The following CCSER1 variants were observed in gnomAD, a reference collection of about 807,000 sequenced individuals.
CCSER1 encodes coiled-coil serine rich protein 1, also known as serine-rich coiled-coil domain-containing protein 1.
A neutral mutation model predicts 82.0 loss-of-function variants in CCSER1; 41 were observed. That is an observed-to-expected ratio of 0.50 (90% CI 0.39 to 0.65). The LOEUF is 0.65. CCSER1 is among the 30% of genes least tolerant of loss of function. The pLI is 0.00. For missense variants in CCSER1, 1,119 were observed against 1,064.2 expected (o/e 1.05, Z -0.72); for synonymous variants, 414 against 383.9 (o/e 1.08, Z -0.92).
chr4:90,567,489 C>T (rs915292082), intron 5 of CCSER1, among the ~76,000 whole-genome samples: 1 of 152,050 alleles, frequency 6.6e-6, no homozygotes, highest in African/African-American at 2.4e-5. Flanking sequence ...GGGGTTTCTC[C>T]ATGTTGGTCA....
At chr4:90,496,239 G>T (rs1004826582) in intron 5 of CCSER1, among the ~76,000 whole-genome samples, 1 of 152,132 alleles carries the variant, frequency 6.6e-6, no homozygotes, top group Non-Finnish European at 1.5e-5. Context: ...TTCAGGGATA[G>T]CATGAAACAC....
intron 7 of CCSER1, among the ~76,000 whole-genome samples, chr4:90,812,485 A>G (rs1758479536): frequency 6.6e-6 from 1 of 152,210 alleles, no homozygotes; most frequent in Non-Finnish European, 1.5e-5. Flanking sequence ...TTAAATGCCC[A>G]AAGATTGAGC....
intron 4 of CCSER1, among the ~76,000 whole-genome samples, chr4:90,419,472 A>T (rs969214202): frequency 6.6e-6 from 1 of 151,924 alleles, no homozygotes; most frequent in African/African-American, 2.4e-5. Flanking sequence ...TGGTTAAAGA[A>T]CTTATTCAGC....
At chr4:91,466,038 G>A (rs1003344441) in intron 10 of CCSER1, among the ~76,000 whole-genome samples, 4 of 152,146 alleles carry the variant, frequency 2.6e-5, no homozygotes, top group Non-Finnish European at 5.9e-5. Flanking sequence ...AAGCCTGGCA[G>A]AGCCACAGCA....
chr4:91,237,732 G>A (rs1311406413), intron 10 of CCSER1, among the ~76,000 whole-genome samples: 1 of 152,160 alleles, frequency 6.6e-6, no homozygotes, highest in Non-Finnish European at 1.5e-5. Flanking sequence ...TGACAGAGGA[G>A]AGAGAAAGAG....
At chr4:90,319,253 C>T (rs1736689820) in intron 3 of CCSER1, among the ~76,000 whole-genome samples, 1 of 152,036 alleles carries the variant, frequency 6.6e-6, no homozygotes, top group African/African-American at 2.4e-5. Flanking sequence ...CTCAAAACAC[C>T]CCACTTGTAC....
chr4:90,342,161 G>A lies in CCSER1; in HGVS notation c.1509+29114G>A, dbSNP rs115983118. Among the ~76,000 whole-genome samples the A allele has an allele frequency of 1.1e-3, 171 of 152,204 alleles. 1 individual carries two copies. Among genetic ancestry groups the A allele is most frequent in the African/African-American group, 4.0e-3 (166 of 41,544 alleles). On this transcript the variant is annotated intron_variant, in intron 3 of 10. Coordinates refer to ENST00000509176, the MANE Select transcript of CCSER1 (RefSeq NM_001145065.2). ...TGAATACAAGAGATTTGAAAGCGAG[G>A]GATATACAAAGAGAGAACATGCTTA... is the stretch of plus-strand genomic sequence containing the variant.
At chr4:91,542,322 G>A (rs891228802) in intron 10 of CCSER1, among the ~76,000 whole-genome samples, 5 of 152,100 alleles carry the variant, frequency 3.3e-5, no homozygotes, top group Non-Finnish European at 5.9e-5. Context: ...GTCCTGAATG[G>A]TATTGCCTAG....
intron 10 of CCSER1, among the ~76,000 whole-genome samples, chr4:91,372,216 T>G (rs1750093521): frequency 6.6e-6 from 1 of 152,160 alleles, no homozygotes. Context: ...TCTTTTCTTG[T>G]CACACTGCTC....
intron 3 of CCSER1, among the ~76,000 whole-genome samples, chr4:90,393,005 C>T (rs1318711943): frequency 6.6e-6 from 1 of 152,178 alleles, no homozygotes; most frequent in African/African-American, 2.4e-5. Flanking sequence ...ATTGTTTTCT[C>T]TTCTCCACTG....
At position 90,155,193 on chromosome 4, in the gene CCSER1, C is replaced by T. The variant is rs539765268; in HGVS notation, c.-42+27362C>T. Among the ~76,000 whole-genome samples the T allele has an allele frequency of 1.8e-3, 280 of 152,204 alleles. 1 individual carries two copies. Among genetic ancestry groups the T allele is most frequent in the African/African-American group, 6.3e-3 (262 of 41,538 alleles). ...ACGCTGGATTACATTTATTGATTTG[C>T]GTATATTGAACCATCCTTGCATCCC... On this transcript the variant is annotated intron_variant, in intron 1 of 10. Coordinates refer to ENST00000509176, the MANE Select transcript of CCSER1 (RefSeq NM_001145065.2).
At chr4:91,225,940 G>C (rs1738162691) in intron 10 of CCSER1, among the ~76,000 whole-genome samples, 1 of 151,880 alleles carries the variant, frequency 6.6e-6, no homozygotes, top group South Asian at 2.1e-4. Context: ...GGTAACATAT[G>C]GTCTGAATAA....
chr4:91,587,354 A>G (rs1347770574), intron 10 of CCSER1, among the ~76,000 whole-genome samples: 2 of 151,716 alleles, frequency 1.3e-5, no homozygotes, highest in African/African-American at 4.8e-5. Context: ...CTGCTTTTAG[A>G]AAACTTCAAT....
chr4:91,297,621 C>T lies in CCSER1; in HGVS notation c.2217+211627C>T, dbSNP rs569156665. ...GAATGAAGTAGGGCCAAAAGTCACA[C>T]AAGGGAAAAGTTCAAGGTTAGACTG... is the stretch of plus-strand genomic sequence containing the variant. On this transcript the variant is annotated intron_variant, in intron 10 of 10. Coordinates refer to ENST00000509176, the MANE Select transcript of CCSER1 (RefSeq NM_001145065.2). Among the ~76,000 whole-genome samples, 52 of 151,872 alleles carry T rather than the reference C, an allele frequency of 3.4e-4. No individual in the cohort carries two copies. In the South Asian group the frequency reaches 9.6e-3, roughly 28 times the overall value.
intron 6 of CCSER1, among the ~76,000 whole-genome samples, chr4:90,652,816 T>A (rs1390914406): frequency 7.3e-6 from 1 of 137,216 alleles, no homozygotes; most frequent in Non-Finnish European, 1.6e-5. Flanking sequence ...TCTTCCCCTT[T>A]TTCCCATAAC....
intron 5 of CCSER1, among the ~76,000 whole-genome samples, chr4:90,534,501 T>G: frequency 6.6e-6 from 1 of 150,786 alleles, no homozygotes; most frequent in Non-Finnish European, 1.5e-5. Flanking sequence ...TGTTTACCTA[T>G]TCTCTATATT....
intron 6 of CCSER1, among the ~76,000 whole-genome samples, chr4:90,670,400 G>A (rs1307479068): frequency 6.6e-6 from 1 of 152,076 alleles, no homozygotes; most frequent in Admixed American, 6.6e-5. Context: ...TTTCACTGCA[G>A]TCTAGATTCA....
intron 10 of CCSER1, among the ~76,000 whole-genome samples, chr4:91,234,142 T>G (rs747482602): frequency 2.6e-5 from 4 of 152,046 alleles, no homozygotes; most frequent in Non-Finnish European, 5.9e-5. Flanking sequence ...TTTGATTGCG[T>G]AAAATCCATT....
chr4:90,824,712 G>C (rs1369960625), intron 8 of CCSER1, among the ~76,000 whole-genome samples: 2 of 152,062 alleles, frequency 1.3e-5, no homozygotes, highest in Non-Finnish European at 2.9e-5. Flanking sequence ...TTTCATGCTA[G>C]TCATTTTAGA....
Sources: allele counts gnomAD v4.1 joint callset (sites outside exome capture counted in the v4.1 genomes callset), GRCh38; gene constraint gnomAD v4.1.1; transcripts MANE v1.5; gene names NCBI Gene and HGNC (gene_info 2026-07-23, HGNC 2026-07-21).